Variants in MCM7 observed in about 807,000 individuals in gnomAD.
The protein encoded by MCM7 is minichromosome maintenance complex component 7, also known as DNA replication licensing factor MCM7.
MCM7 carries 95 observed loss-of-function variants against 83.5 expected under a neutral mutation model. The observed-to-expected ratio is 1.14, with a 90% CI of 0.96 to 1.35. The LOEUF (loss-of-function observed/expected upper bound fraction) is 1.35. Among genes scored for constraint, MCM7 ranks in the 40% most tolerant of loss-of-function variants. The pLI is 0.00. For missense variants in MCM7, 1,087 were observed against 957.4 expected (o/e 1.14, Z -1.79); for synonymous variants, 461 against 352.7 (o/e 1.31, Z -3.44).
chr7:100,095,571 G>C (rs1424609537), intron 11 of MCM7, 101 bp from the exon 12 acceptor site: 2 of 1,325,182 alleles, frequency 1.5e-6, no homozygotes, highest in Admixed American at 4.4e-5. Context: ...TCACAGTGTA[G>C]GAGGGACAAG....
chr7:100,099,440 C>G, intron 3 of MCM7, 37 bp from the exon 4 acceptor site: 3 of 1,407,360 alleles, frequency 2.1e-6, no homozygotes. Flanking sequence ...AAAAAAAGAG[C>G]AACAGGATGG....
intron 5 of MCM7, 65 bp downstream of exon 5, chr7:100,098,958 A>T (rs1216051339): frequency 1.3e-6 from 2 of 1,595,298 alleles, no homozygotes; most frequent in Non-Finnish European, 1.7e-6. Context: ...GCATCACAGG[A>T]TCAAATTAAT....
At chr7:100,094,559 T>C (rs1045907223) in intron 12 of MCM7, among the ~76,000 whole-genome samples, 1 of 152,218 alleles carries the variant, frequency 6.6e-6, no homozygotes, top group Non-Finnish European at 1.5e-5. Flanking sequence ...CTCCAAGTTA[T>C]TTCCTATTTT....
intron 12 of MCM7, 28 bp from the exon 13 acceptor site, chr7:100,094,369 G>T (rs775213641): frequency 1.9e-6 from 3 of 1,613,002 alleles, no homozygotes; most frequent in South Asian, 1.1e-5. Context: ...TGGGGAAGCA[G>T]AAGAGGGAGA....
chr7:100,099,430 AAAAAAAG>A, intron 3 of MCM7, 27 bp from the exon 4 acceptor site: 1 of 1,588,674 alleles, frequency 6.3e-7, no homozygotes, highest in Non-Finnish European at 8.5e-7. Context: ...AAAAAAAAAA[AAAAAAAG>A]AGCAACAGGA....
Position 100,093,280 on chromosome 7 carries a change from T to C in MCM7, c.1958+12A>G. 6.2e-7 allele frequency: 1 copy of C among 1,611,856 alleles called. No homozygotes were observed. Among genetic ancestry groups the C allele is most frequent in the Non-Finnish European group, 8.5e-7 (1 of 1,178,972 alleles). ...AAAGTGACACAGCTTTGTCCTTCAC[T>C]AAACCACTCACCTAGCTGTCTGCCC... On this transcript the variant is annotated intron_variant, in intron 14 of 14. Transcript: ENST00000303887.
Position 100,095,385 on chromosome 7 carries a change from A to T in MCM7, c.1679+2T>A. ...TTGCCCACCCGCACCCAGCTCTCCT[A>T]CCTCATGAGCTTCATGTCCAGAGGT... is the stretch of plus-strand genomic sequence containing the variant. On this transcript the variant is annotated splice_donor_variant, in intron 12 of 14. Transcript: ENST00000303887. LOFTEE classifies it high-confidence loss of function. The T allele has an allele frequency of 6.2e-7, 1 of 1,612,196 alleles. No homozygotes were observed. The highest frequency in any genetic ancestry group is 8.5e-7 in the Non-Finnish European group (1 of 1,179,402).
chr7:100,097,626 T>C lies in MCM7; in HGVS notation c.1105A>G (p.Met369Val). 5 of 1,613,926 alleles carry C rather than the reference T, an allele frequency of 3.1e-6. No homozygotes were observed. Among genetic ancestry groups the C allele is most frequent in the Non-Finnish European group, 4.2e-6 (5 of 1,180,026 alleles). The change falls in exon 9 of 15, where the codon ATG becomes GTG. Residue 369 changes from methionine to valine, a missense_variant. Coordinates refer to ENST00000303887, the MANE Select transcript of MCM7 (RefSeq NM_005916.5). The stretch of plus-strand genomic sequence containing the variant: ...TGTTTCTTCTTACCCCGGATTTTCA[T>C]GCCTCGAGGAGACTGGTCCACACCC... Reference protein sequence around the residue: ...VGGVDQSPRGMKIRGNINICL... With the variant: ...VGGVDQSPRGVKIRGNINICL...
Position 100,099,385 on chromosome 7 carries a change from G to A in MCM7, c.295C>T (p.Leu99=), listed in dbSNP as rs772219958. 1.9e-6 allele frequency: 3 copies of A among 1,589,902 alleles called. No homozygotes were observed. Among genetic ancestry groups the A allele is most frequent in the Admixed American group, 1.7e-5 (1 of 58,236 alleles). Residue 99 remains leucine, a synonymous_variant, in exon 4 of 15, where the codon CTG becomes TTG. Transcript: ENST00000303887. ...KEREVVNKDV[L]DVYIEHRLMM... is the part of the protein sequence containing the mutation. ...AGCCGATGCTCAATGTAAACGTCCA[G>A]GACATCTTTATTTACCACCTAAAGG...
At chr7:100,100,862 G>A (rs1795970257) in intron 1 of MCM7, 1 of 1,028,496 alleles carries the variant, frequency 9.7e-7, no homozygotes, top group South Asian at 4.0e-5. Flanking sequence ...GCCCGCCCCC[G>A]GGGCCTACGC....
rs768912480 is a variant in MCM7, at chr7:100,098,578, A to G, written c.720T>C (p.His240=). 19 of 1,614,012 alleles carry G rather than the reference A, an allele frequency of 1.2e-5. No homozygotes were observed. The highest frequency in any genetic ancestry group is 1.5e-5 in the Non-Finnish European group (18 of 1,180,018). Residue 240 remains histidine (H), a splice_region_variant and synonymous_variant, in exon 6 of 15, where the codon CAT becomes CAC. Transcript: ENST00000303887. ...IKFQEMKMQE[H]SDQVPVGNIP... ...CCAGGGCCACGTACCCCAAACTCAC[A>G]TGTTCTTGCATCTTCATCTCCTGGA...
intron 13 of MCM7, 91 bp from the exon 14 acceptor site, chr7:100,093,492 C>CA: frequency 8.3e-7 from 1 of 1,202,186 alleles, no homozygotes; most frequent in East Asian, 2.3e-5. Flanking sequence ...TAAGGCTGGG[C>CA]AGCCCATGGG....
chr7:100,099,798 T>G lies in MCM7; in HGVS notation c.112-45A>C, dbSNP rs778977595. On this transcript the variant is annotated intron_variant, in intron 2 of 14. Transcript: ENST00000303887. ...GAAACACCTCAGAGCCACATTCACT[T>G]TGCTCACCAGTGTTCATATGTGAAA... 3.7e-6 allele frequency: 6 copies of G among 1,607,636 alleles called. No homozygotes were observed. The South Asian group carries it at 6.6e-5, about 18-fold the overall frequency.
intron 1 of MCM7, chr7:100,100,955 C>G: frequency 3.8e-6 from 4 of 1,049,494 alleles, no homozygotes; most frequent in Non-Finnish European, 5.1e-6. Context: ...CCTTAAGACT[C>G]TCCTGAGGTC....
At position 100,097,628 on chromosome 7, in the gene MCM7, C is replaced by G. The variant is rs1231603998; in HGVS notation, c.1103G>C (p.Gly368Ala). 1 of 1,613,944 alleles carries G rather than the reference C, an allele frequency of 6.2e-7. No individual in the cohort carries two copies. The highest frequency in any genetic ancestry group is 1.1e-5 in the South Asian group (1 of 91,056). The change falls in exon 9 of 15, where the codon GGC (glycine) becomes GCC (alanine). Residue 368 changes from glycine to alanine, a missense_variant. Gly to Ala is a moderately conservative substitution (Grantham distance 60). Transcript: ENST00000303887. ...LVGGVDQSPR[G>A]MKIRGNINIC... ...TTTCTTCTTACCCCGGATTTTCATG[C>G]CTCGAGGAGACTGGTCCACACCCCC...
rs1795767779 is a variant in MCM7, at chr7:100,098,579, T to C, written c.719A>G (p.His240Arg). ...IKFQEMKMQE[H>R]SDQVPVGNIP... ...CAGGGCCACGTACCCCAAACTCACATGTTCTTGCATCTTCATCTCCTGGAA... is the reference window on the plus strand; with the variant it reads ...CAGGGCCACGTACCCCAAACTCACACGTTCTTGCATCTTCATCTCCTGGAA... The change falls in exon 6 of 15, where the codon CAT (histidine) becomes CGT (arginine). Residue 240 changes from histidine (H) to arginine (R), a missense_variant and splice_region_variant. His to Arg is a conservative substitution (Grantham distance 29). Transcript: ENST00000303887. 8 of 1,614,106 alleles carry C rather than the reference T, an allele frequency of 5.0e-6. No individual in the cohort carries two copies. The highest frequency in any genetic ancestry group is 5.9e-6 in the Non-Finnish European group (7 of 1,180,044).
chr7:100,098,358 T>C, intron 6 of MCM7, 68 bp from the exon 7 acceptor site: 6 of 1,575,774 alleles, frequency 3.8e-6, no homozygotes, highest in Non-Finnish European at 5.2e-6. Context: ...TCCCTAGGCA[T>C]CCCACTCAAA....
chr7:100,098,096 AG>A (rs764037602), intron 7 of MCM7, 44 bp downstream of exon 7: 1 of 1,606,356 alleles, frequency 6.2e-7, no homozygotes, highest in Non-Finnish European at 8.5e-7. Flanking sequence ...TGAGTAGGTG[AG>A]GGAAAAGGGG....
intron 1 of MCM7, 89 bp downstream of exon 1, chr7:100,101,175 C>T: frequency 6.5e-7 from 1 of 1,547,038 alleles, no homozygotes; most frequent in Non-Finnish European, 8.9e-7. Flanking sequence ...CCCGCCGACC[C>T]CGGTCCCCCA....
Sources: allele counts gnomAD v4.1 joint callset (sites outside exome capture counted in the v4.1 genomes callset), GRCh38; gene constraint gnomAD v4.1.1; transcripts MANE v1.5; gene names NCBI Gene and HGNC (gene_info 2026-07-23, HGNC 2026-07-21).